DENND1A: variants seen among roughly 807,000 people sequenced by gnomAD.
DENND1A encodes DENN domain containing 1A, also known as DENN domain-containing protein 1A.
Under a neutral mutation model 113.7 loss-of-function variants are expected in DENND1A, and 51 were observed. That is an observed-to-expected ratio of 0.45 (90% CI 0.36 to 0.57). The LOEUF (loss-of-function observed/expected upper bound fraction) is 0.57. Ranked by LOEUF, DENND1A falls within the 20% of genes least tolerant of loss-of-function variation. DENND1A has a pLI of 0.00. For missense variants in DENND1A, 1,258 were observed against 1,395.9 expected (o/e 0.90, Z 1.57); for synonymous variants, 565 against 570.8 (o/e 0.99, Z 0.14).
chr9:123,911,799 C>A (rs1854025965), intron 1 of DENND1A, among the ~76,000 whole-genome samples: 1 of 151,794 alleles, frequency 6.6e-6, no homozygotes, highest in East Asian at 1.9e-4. Flanking sequence ...CACGCCATTC[C>A]CCTGCCTCAG....
chr9:123,451,876 T>A (rs1024988492), intron 17 of DENND1A, among the ~76,000 whole-genome samples: 2 of 152,210 alleles, frequency 1.3e-5, no homozygotes, highest in African/African-American at 4.8e-5. Context: ...GAGTCATCTC[T>A]GCAATAGAGG....
At chr9:123,803,688 T>A (rs750821070) in intron 2 of DENND1A, among the ~76,000 whole-genome samples, 14 of 152,352 alleles carry the variant, frequency 9.2e-5, no homozygotes, top group Non-Finnish European at 1.5e-4. Context: ...CTCTATAGGA[T>A]CTTTCCCATC....
intron 21 of DENND1A, among the ~76,000 whole-genome samples, chr9:123,389,606 C>T (rs1389734266): frequency 1.3e-5 from 2 of 152,264 alleles, no homozygotes; most frequent in Non-Finnish European, 2.9e-5. Flanking sequence ...AATCACAAAC[C>T]CACACTTGTC....
At chr9:123,884,062 G>C (rs1848679565) in intron 1 of DENND1A, among the ~76,000 whole-genome samples, 1 of 152,094 alleles carries the variant, frequency 6.6e-6, no homozygotes, top group Admixed American at 6.6e-5. Context: ...AACGCAGATA[G>C]AAGCATTCTC....
intron 1 of DENND1A, among the ~76,000 whole-genome samples, chr9:123,892,463 C>T (rs1278239798): frequency 2.6e-5 from 4 of 152,146 alleles, no homozygotes; most frequent in African/African-American, 9.7e-5. Context: ...AGACATTAGG[C>T]AACAAAGTGC....
chr9:123,796,623 T>C (rs1833802056), intron 2 of DENND1A, among the ~76,000 whole-genome samples: 1 of 152,138 alleles, frequency 6.6e-6, no homozygotes, highest in South Asian at 2.1e-4. Flanking sequence ...AAACCCTGAG[T>C]TCTGCCTTAG....
At chr9:123,471,324 A>G (rs941646560) in intron 13 of DENND1A, among the ~76,000 whole-genome samples, 1 of 152,156 alleles carries the variant, frequency 6.6e-6, no homozygotes, top group South Asian at 2.1e-4. Context: ...TTCCTACTTC[A>G]CAGGGCTGTG....
chr9:123,605,799 G>C (rs1323677234), intron 11 of DENND1A, among the ~76,000 whole-genome samples: 2 of 152,164 alleles, frequency 1.3e-5, no homozygotes, highest in African/African-American at 4.8e-5. Flanking sequence ...CAACAAATTT[G>C]AGTGTCATAA....
chr9:123,464,994 C>CAAAAAAA (rs10655282), intron 13 of DENND1A, among the ~76,000 whole-genome samples: 14 of 70,566 alleles, frequency 2.0e-4, no homozygotes, highest in East Asian at 4.4e-4. Flanking sequence ...ACTAAAAATA[C>CAAAAAAA]AAAAAAAAAA....
At chr9:123,474,670 G>A (rs1298497768) in intron 13 of DENND1A, among the ~76,000 whole-genome samples, 1 of 152,224 alleles carries the variant, frequency 6.6e-6, no homozygotes, top group Non-Finnish European at 1.5e-5. Flanking sequence ...CAGTGTGATG[G>A]TGAGCAAGTG....
At chr9:123,643,497 G>T (rs563402418) in intron 9 of DENND1A, among the ~76,000 whole-genome samples, 1 of 152,320 alleles carries the variant, frequency 6.6e-6, no homozygotes, top group East Asian at 1.9e-4. Flanking sequence ...TATAAAGGGG[G>T]TGATTAGGAC....
In DENND1A at chr9:123,471,605, G is replaced by A. The variant is rs139330416; in HGVS notation, c.994-13708C>T. Among the ~76,000 whole-genome samples the A allele has an allele frequency of 3.3e-5, 5 of 152,290 alleles. No homozygotes were observed. The East Asian group carries it at 5.8e-4, about 18-fold the overall frequency. On this transcript the variant is annotated intron_variant, in intron 13 of 23. Transcript: ENST00000394215. Reference sequence around the variant, plus strand: ...AGCTGCCTGCTAGGGCTGGGACGCCGCAGGACATGGCAACTCTCTGTGGCT... The same window carrying A: ...AGCTGCCTGCTAGGGCTGGGACGCCACAGGACATGGCAACTCTCTGTGGCT...
intron 8 of DENND1A, among the ~76,000 whole-genome samples, chr9:123,658,298 T>TAA (rs922992419): frequency 6.6e-6 from 1 of 151,482 alleles, no homozygotes; most frequent in Admixed American, 6.6e-5. Flanking sequence ...ACCTGGACAC[T>TAA]AAAAAAAAAT....
At chr9:123,605,552 A>T (rs2060116960) in intron 11 of DENND1A, among the ~76,000 whole-genome samples, 1 of 152,244 alleles carries the variant, frequency 6.6e-6, no homozygotes, top group Non-Finnish European at 1.5e-5. Flanking sequence ...TATTCTGCTA[A>T]CATGCCACTA....
At chr9:123,637,201 C>A (rs1428490425) in intron 9 of DENND1A, among the ~76,000 whole-genome samples, 1 of 152,152 alleles carries the variant, frequency 6.6e-6, no homozygotes, top group Non-Finnish European at 1.5e-5. Flanking sequence ...CCCCTCTGAA[C>A]ATAAACGCAA....
At chr9:123,579,289 T>G (rs2058774400) in intron 12 of DENND1A, among the ~76,000 whole-genome samples, 1 of 152,174 alleles carries the variant, frequency 6.6e-6, no homozygotes, top group African/African-American at 2.4e-5. Flanking sequence ...CACACGGACA[T>G]GAAGTGAGGA....
chr9:123,623,875 T>G (rs557066555), intron 10 of DENND1A, among the ~76,000 whole-genome samples: 2 of 152,318 alleles, frequency 1.3e-5, no homozygotes, highest in South Asian at 2.1e-4. Flanking sequence ...CTCAGCTCCA[T>G]TTAACATGTC....
intron 12 of DENND1A, among the ~76,000 whole-genome samples, chr9:123,574,263 C>T (rs1268102748): frequency 6.7e-6 from 1 of 148,828 alleles, no homozygotes; most frequent in African/African-American, 2.5e-5. Context: ...AGACATCTTC[C>T]TTTTACTTCT....
At chr9:123,913,235 G>A (rs575823429) in intron 1 of DENND1A, among the ~76,000 whole-genome samples, 13 of 151,324 alleles carry the variant, frequency 8.6e-5, no homozygotes, top group African/African-American at 2.7e-4. Context: ...TCAGACATGC[G>A]AGAACCCACA....
Sources: gnomAD v4.1 joint callset for allele counts (sites outside exome capture counted in the v4.1 genomes callset) on GRCh38, gnomAD v4.1.1 for gene constraint, MANE v1.5 for transcripts, NCBI Gene and HGNC (gene_info 2026-07-23, HGNC 2026-07-21) for gene names.